Variants in APBA2 observed in about 807,000 individuals in gnomAD.
APBA2 encodes the protein amyloid beta precursor protein binding family A member 2.
A neutral mutation model predicts 75.0 loss-of-function variants in APBA2; 30 were observed. The ratio of observed to expected loss-of-function variants is 0.40; its 90% confidence interval spans 0.30 to 0.54. The LOEUF is 0.54. Ranked by LOEUF, APBA2 falls within the 20% of genes least tolerant of loss-of-function variation. The probability of loss-of-function intolerance (pLI) is 0.49; values close to 1 mark genes in which losing one functional copy is unlikely to be tolerated. For synonymous variants in APBA2, 444 were observed against 409.6 expected, an observed-to-expected ratio of 1.08 and a Z score of -1.01; for missense variants, 801 against 1,016.1, an observed-to-expected ratio of 0.79 and a Z score of 2.88.
At chr15:29,010,346 C>T (rs991791601) in intron 3 of APBA2, among the ~76,000 whole-genome samples, 3 of 152,142 alleles carry the variant, frequency 2.0e-5, no homozygotes, top group African/African-American at 7.2e-5. Flanking sequence ...GTAAGCTTCG[C>T]CTCGTGGGTT....
At chr15:28,946,147 CA>C (rs1182568810) in intron 2 of APBA2, among the ~76,000 whole-genome samples, 1 of 152,208 alleles carries the variant, frequency 6.6e-6, no homozygotes, top group Non-Finnish European at 1.5e-5. Flanking sequence ...GTTTGTCATT[CA>C]GAGACTGTGG....
At chr15:29,105,655 C>T in intron 11 of APBA2, 97 bp downstream of exon 11, 1 of 1,347,774 alleles carries the variant, frequency 7.4e-7, no homozygotes, top group South Asian at 1.2e-5. Context: ...TCACGCACAC[C>T]CTTGCCTTCC....
chr15:28,933,077 A>G (rs2152690812), intron 2 of APBA2, among the ~76,000 whole-genome samples: 1 of 152,266 alleles, frequency 6.6e-6, no homozygotes, highest in East Asian at 1.9e-4. Context: ...TTGTTTTATT[A>G]GGAACCTGCT....
In APBA2 at chr15:29,066,473, T is replaced by C. The variant is rs144015819; in HGVS notation, c.952-8448T>C. Reference sequence around the variant, plus strand: ...CAGTCACAAAAGGACAAGTACTGTGTGATTCTACTTCTGAGGCACCCACAG... The same window carrying C: ...CAGTCACAAAAGGACAAGTACTGTGCGATTCTACTTCTGAGGCACCCACAG... On this transcript the variant is annotated intron_variant, in intron 4 of 14. Transcript: ENST00000683413. Among the ~76,000 whole-genome samples the C allele has an allele frequency of 2.4e-3, 364 of 152,288 alleles. 3 individuals are homozygous for C. Among genetic ancestry groups the C allele is most frequent in the African/African-American group, 7.6e-3 (316 of 41,558 alleles).
At chr15:29,094,162 G>A in intron 7 of APBA2, 116 bp from the exon 8 acceptor site, 1 of 1,111,744 alleles carries the variant, frequency 9.0e-7, no homozygotes, top group Non-Finnish European at 1.4e-6. Flanking sequence ...TCCCTGCTGG[G>A]CTTTGCTAGG....
intron 3 of APBA2, among the ~76,000 whole-genome samples, chr15:28,999,640 G>A (rs2038739471): frequency 6.6e-6 from 1 of 152,194 alleles, no homozygotes; most frequent in African/African-American, 2.4e-5. Flanking sequence ...TATCTAGTAA[G>A]GTTGAAATGT....
chr15:28,996,951 C>T (rs775535008), intron 3 of APBA2, among the ~76,000 whole-genome samples: 13 of 152,186 alleles, frequency 8.5e-5, no homozygotes, highest in Non-Finnish European at 1.6e-4. Flanking sequence ...AGTGTCAAGA[C>T]TCAGGTTCAG....
At chr15:28,933,703 G>A (rs553668018) in intron 2 of APBA2, among the ~76,000 whole-genome samples, 40 of 152,344 alleles carry the variant, frequency 2.6e-4, no homozygotes, top group East Asian at 9.7e-4. Context: ...AGGGCCTGCT[G>A]GAGCCCGACA....
In APBA2 at chr15:28,915,299, TACACCAC is replaced by T. The variant is rs1253935214; in HGVS notation, c.-204-6327_-204-6321del. Among the ~76,000 whole-genome samples, 11 of 4,372 alleles carry T rather than the reference TACACCAC, an allele frequency of 2.5e-3. No individual in the cohort carries two copies. The South Asian group carries it at 0.052, about 21-fold the overall frequency. The allele number at this position is 4,372 out of a possible 152,430, so 2.9% of individuals were successfully genotyped here. The stretch of plus-strand genomic sequence containing the variant: ...CCACACACCACACACATACCCCATA[TACACCAC>T]ACACCACACACCATACACATATCCC... On this transcript the variant is annotated intron_variant, in intron 1 of 14. Transcript: ENST00000683413.
At chr15:28,896,429 G>A (rs997049089) in intron 1 of APBA2, among the ~76,000 whole-genome samples, 33 of 152,158 alleles carry the variant, frequency 2.2e-4, no homozygotes, top group African/African-American at 7.0e-4. Context: ...ACAGGCGCCC[G>A]CCACCACCCC....
chr15:29,071,033 T>C (rs1213038240), intron 4 of APBA2: 2 of 456,540 alleles, frequency 4.4e-6, no homozygotes, highest in Non-Finnish European at 8.8e-6. Flanking sequence ...CCTCAGCTCC[T>C]GACATGGCTG....
At chr15:28,903,522 G>A (rs975114806) in intron 1 of APBA2, among the ~76,000 whole-genome samples, 18 of 152,316 alleles carry the variant, frequency 1.2e-4, no homozygotes, top group African/African-American at 3.9e-4. Flanking sequence ...AAGCGTCAGC[G>A]CCTGTATTTG....
intron 2 of APBA2, among the ~76,000 whole-genome samples, chr15:28,937,360 A>G (rs1193114176): frequency 6.6e-6 from 1 of 152,132 alleles, no homozygotes; most frequent in African/African-American, 2.4e-5. Flanking sequence ...CCATCTTCTG[A>G]GGGACAGAAC....
chr15:29,047,777 C>T (rs545434841), intron 3 of APBA2, among the ~76,000 whole-genome samples: 18 of 152,228 alleles, frequency 1.2e-4, no homozygotes, highest in African/African-American at 3.6e-4. Context: ...ACATTATCAA[C>T]TAAAAACTAT....
intron 3 of APBA2, among the ~76,000 whole-genome samples, chr15:29,014,498 A>G (rs1029170056): frequency 6.6e-6 from 1 of 152,232 alleles, no homozygotes. Context: ...TTTAATTTAA[A>G]TGAATTAAAA....
chr15:29,113,190 A>G (rs901814374), intron 13 of APBA2, among the ~76,000 whole-genome samples: 2 of 152,028 alleles, frequency 1.3e-5, no homozygotes, highest in Non-Finnish European at 2.9e-5. Flanking sequence ...TCTCGTGGTC[A>G]CAGGCGCTCC....
intron 2 of APBA2, among the ~76,000 whole-genome samples, chr15:28,983,211 G>C (rs2037715112): frequency 6.6e-6 from 1 of 152,184 alleles, no homozygotes; most frequent in Non-Finnish European, 1.5e-5. Flanking sequence ...CAGCCCAGCC[G>C]CCGTCTCCCT....
At chr15:29,016,361 A>G (rs2039663978) in intron 3 of APBA2, among the ~76,000 whole-genome samples, 1 of 152,230 alleles carries the variant, frequency 6.6e-6, no homozygotes, top group South Asian at 2.1e-4. Flanking sequence ...AACAGAGCTT[A>G]ATGAGCATGC....
intron 2 of APBA2, among the ~76,000 whole-genome samples, chr15:28,951,684 A>C (rs539558590): frequency 2.7e-4 from 41 of 152,010 alleles, no homozygotes; most frequent in Non-Finnish European, 5.6e-4. Flanking sequence ...TCCCAAATTC[A>C]AGCAACTTTC....
Sources: allele counts gnomAD v4.1 joint callset (sites outside exome capture counted in the v4.1 genomes callset), GRCh38; gene constraint gnomAD v4.1.1; transcripts MANE v1.5; gene names NCBI Gene and HGNC (gene_info 2026-07-23, HGNC 2026-07-21).